CNRIP1: variants seen among roughly 807,000 people sequenced by gnomAD.
CNRIP1 encodes CB1 cannabinoid receptor-interacting protein 1.
In CNRIP1, 10 loss-of-function variants were observed where a neutral mutation model predicts 15.2. The observed-to-expected ratio is 0.66, with a 90% CI of 0.41 to 1.12. CNRIP1 has a LOEUF of 1.12. Among genes scored for constraint, CNRIP1 ranks in the 50% most tolerant of loss-of-function variants. CNRIP1 has a pLI of 0.00. For missense variants in CNRIP1, 211 were observed against 214.7 expected (o/e 0.98, Z 0.11); for synonymous variants, 91 against 83.2 (o/e 1.09, Z -0.51).
intron 2 of CNRIP1, among the ~76,000 whole-genome samples, chr2:68,285,668 A>AAAAAAAAAAAAAAG (rs539747999): frequency 8.0e-6 from 1 of 124,436 alleles, no homozygotes. Flanking sequence ...AAAAAAAAAA[A>AAAAAAAAAAAAAAG]AAAAGAAAAG....
chr2:68,300,905 C>A (rs1013498160), intron 2 of CNRIP1, among the ~76,000 whole-genome samples: 14 of 152,160 alleles, frequency 9.2e-5, no homozygotes, highest in Admixed American at 6.5e-4. Context: ...TTGACATCTA[C>A]CTAATGAGGA....
chr2:68,286,599 C>G (rs1057113830), intron 2 of CNRIP1, among the ~76,000 whole-genome samples: 1 of 152,084 alleles, frequency 6.6e-6, no homozygotes, highest in Non-Finnish European at 1.5e-5. Flanking sequence ...ATATTTTTGT[C>G]AAATAATTTG....
chr2:68,305,405 C>T (rs1002134205), intron 2 of CNRIP1, among the ~76,000 whole-genome samples: 1 of 151,042 alleles, frequency 6.6e-6, no homozygotes, highest in Non-Finnish European at 1.5e-5. Flanking sequence ...CAAGTAAATC[C>T]AATCAATTAA....
At chr2:68,287,079 A>G (rs1671049723) in intron 2 of CNRIP1, among the ~76,000 whole-genome samples, 1 of 152,230 alleles carries the variant, frequency 6.6e-6, no homozygotes, top group African/African-American at 2.4e-5. Context: ...AGACCATGGA[A>G]GGAAAAAAAG....
At chr2:68,302,471 G>C (rs1202728645) in intron 2 of CNRIP1, among the ~76,000 whole-genome samples, 1 of 152,210 alleles carries the variant, frequency 6.6e-6, no homozygotes, top group Non-Finnish European at 1.5e-5. Context: ...TTGGGAATTA[G>C]TCACACTGCT....
At chr2:68,291,425 G>A (rs1671165678), downstream of CNRIP1, among the ~76,000 whole-genome samples, 2 of 152,102 alleles carry the variant, frequency 1.3e-5, no homozygotes, top group Admixed American at 1.3e-4. Flanking sequence ...TGACCATCCA[G>A]GATGTGAGCA....
chr2:68,319,710 C>T lies in CNRIP1; in HGVS notation c.-310G>A, dbSNP rs1672430661. On this transcript the variant is annotated 5_prime_UTR_variant, in exon 1 of 3. Transcript: ENST00000263655. ...CCACGCACCCGAAGGCTCGCTCTGG[C>T]CCGCAGGCCGCCGCGCAGATCCGCG... 2 of 333,754 alleles carry T rather than the reference C, an allele frequency of 6.0e-6. No individual in the cohort carries two copies. The highest frequency in any genetic ancestry group is 5.1e-5 in the Admixed American group (1 of 19,700). 20.7% of individuals were successfully genotyped at this position (333,754 alleles called of 1,614,324 possible). A position where few individuals can be genotyped will look rare whatever the true frequency, so the allele number is the denominator to read the frequency against.
chr2:68,301,817 G>T (rs191473939), intron 2 of CNRIP1, among the ~76,000 whole-genome samples: 123 of 150,586 alleles, frequency 8.2e-4, no homozygotes, highest in African/African-American at 2.9e-3. Flanking sequence ...GCGTGAACCC[G>T]GGAGGCGGAG....
chr2:68,304,607 G>A (rs774404932), intron 2 of CNRIP1, among the ~76,000 whole-genome samples: 7 of 144,898 alleles, frequency 4.8e-5, no homozygotes. Flanking sequence ...TTTGGTTTGA[G>A]CACTGGTCAT....
chr2:68,303,099 G>A (rs890066156), intron 2 of CNRIP1, among the ~76,000 whole-genome samples: 3 of 142,916 alleles, frequency 2.1e-5, no homozygotes, highest in Admixed American at 7.2e-5. Flanking sequence ...CACCCGCCTT[G>A]GCCCCCAAAG....
In CNRIP1 at chr2:68,319,289, T is replaced by A; in HGVS notation, c.112A>T (p.Ile38Phe). The change falls in exon 1 of 3, where the codon ATC becomes TTC. Residue 38 changes from isoleucine (I) to phenylalanine (F), a missense_variant. Transcript: ENST00000263655. ...TAGGAGGAGCCGGTGAGCAGCTTGA[T>A]GGTGCGGTTCTGGCCGAAGCGCTGC... ...DGQRFGQNRT[I>F]KLLTGSSYKV... The A allele has an allele frequency of 6.4e-7, 1 of 1,552,514 alleles. No homozygotes were observed. The highest frequency in any genetic ancestry group is 8.7e-7 in the Non-Finnish European group (1 of 1,147,878).
At chr2:68,314,179 C>T (rs1327396639) in intron 2 of CNRIP1, among the ~76,000 whole-genome samples, 2 of 151,634 alleles carry the variant, frequency 1.3e-5, no homozygotes, top group African/African-American at 4.8e-5. Context: ...AGTATGTTTC[C>T]ACCCTCAAGA....
chr2:68,303,100 G>A (rs1671679775), intron 2 of CNRIP1, among the ~76,000 whole-genome samples: 1 of 142,626 alleles, frequency 7.0e-6, no homozygotes, highest in African/African-American at 2.5e-5. Context: ...ACCCGCCTTG[G>A]CCCCCAAAGT....
At chr2:68,310,824 A>G (rs1672045100) in intron 2 of CNRIP1, among the ~76,000 whole-genome samples, 1 of 152,178 alleles carries the variant, frequency 6.6e-6, no homozygotes. Context: ...ATTAAGGAAA[A>G]CATGGTCTCA....
At position 68,285,481 on chromosome 2, in the gene CNRIP1, T is replaced by A. The variant is rs554566695; in HGVS notation, c.331-997A>T. ...ATATTCGTGACCAGCCTGGGCAACA[T>A]GGTGAAACCCATCTCTACAAAAATT... On this transcript the variant is annotated intron_variant, in intron 2 of 2. Transcript: ENST00000409559. Among the ~76,000 whole-genome samples the A allele has an allele frequency of 3.3e-5, 5 of 151,982 alleles. No individual in the cohort carries two copies. In the South Asian group the frequency reaches 6.2e-4, roughly 19 times the overall value.
At chr2:68,309,095 T>TA (rs1324316368) in intron 2 of CNRIP1, among the ~76,000 whole-genome samples, 17 of 152,342 alleles carry the variant, frequency 1.1e-4, no homozygotes, top group Admixed American at 1.1e-3. Flanking sequence ...GAGCTGTTTT[T>TA]ACACACAGCT....
intron 2 of CNRIP1, among the ~76,000 whole-genome samples, chr2:68,301,227 CT>C (rs1471337241): frequency 6.6e-6 from 1 of 152,168 alleles, no homozygotes; most frequent in Non-Finnish European, 1.5e-5. Context: ...GATTTATCTT[CT>C]GAATTCATAA....
Position 68,287,176 on chromosome 2 carries a change from A to T in CNRIP1, c.331-2692T>A, listed in dbSNP as rs983612553. Among the ~76,000 whole-genome samples, 31 of 152,258 alleles carry T rather than the reference A, an allele frequency of 2.0e-4. 1 individual carries two copies. The highest frequency in any genetic ancestry group is 7.2e-4 in the African/African-American group (30 of 41,552). On this transcript the variant is annotated intron_variant, in intron 2 of 2. Transcript: ENST00000409559. ...TTCTTAGAACCAACTTCAGACCATTACTTTTTTCTTTTTGGAGAAGTTTTA... is the reference window on the plus strand; with the variant it reads ...TTCTTAGAACCAACTTCAGACCATTTCTTTTTTCTTTTTGGAGAAGTTTTA...
chr2:68,316,496 T>C (rs1045110906), intron 2 of CNRIP1: 2 of 152,156 alleles, frequency 1.3e-5, no homozygotes, highest in Non-Finnish European at 2.9e-5. Flanking sequence ...TGTTTGCACA[T>C]ATAGTTAAAT....
Sources: gnomAD v4.1 joint callset for allele counts (sites outside exome capture counted in the v4.1 genomes callset) on GRCh38, gnomAD v4.1.1 for gene constraint, MANE v1.5 for transcripts, NCBI Gene and HGNC (gene_info 2026-07-23, HGNC 2026-07-21) for gene names.